Variants in PIEZO2 observed in about 807,000 individuals in gnomAD.
PIEZO2 encodes piezo-type mechanosensitive ion channel component 2.
In PIEZO2, 172 loss-of-function variants were observed where a neutral mutation model predicts 337.3. The ratio of observed to expected loss-of-function variants is 0.51; its 90% CI spans 0.45 to 0.58. The LOEUF is 0.58. Ranked by LOEUF, PIEZO2 falls within the 20% of genes least tolerant of loss-of-function variation. The pLI, the probability that PIEZO2 is intolerant of heterozygous loss-of-function variation, is 0.00. For synonymous variants in PIEZO2, 1,251 were observed against 1,228.5 expected (o/e 1.02, Z -0.38); for missense variants, 3,028 against 3,391.3 (o/e 0.89, Z 2.66).
At chr18:10,879,538 G>A (rs2042358491) in intron 4 of PIEZO2, among the ~76,000 whole-genome samples, 1 of 151,940 alleles carries the variant, frequency 6.6e-6, no homozygotes, top group South Asian at 2.1e-4. Context: ...TAGGACTACA[G>A]GCACCCGCCA....
At chr18:10,799,171 T>A (rs1021742157) in intron 11 of PIEZO2, among the ~76,000 whole-genome samples, 3 of 152,234 alleles carry the variant, frequency 2.0e-5, no homozygotes, top group Non-Finnish European at 4.4e-5. Context: ...TTGGAGTATG[T>A]GTGATGTACC....
Position 11,048,665 on chromosome 18 carries a change from A to T in PIEZO2, c.160+17462T>A, listed in dbSNP as rs866281058. 2.6e-5 allele frequency among the ~76,000 whole-genome samples: 4 copies of T among 152,206 alleles called. No individual in the cohort carries two copies. Among genetic ancestry groups the T allele is most frequent in the Admixed American group, 6.5e-5 (1 of 15,276 alleles). On this transcript the variant is annotated intron_variant, in intron 2 of 55. Transcript: ENST00000674853. This position sits in a 1 kb window ranked among gnomAD's most constrained non-coding sequence, Gnocchi z 4.5. The stretch of plus-strand genomic sequence containing the variant: ...GCTTTCACTCACTGAATCAATTTTT[A>T]AAAATGATAGTTTCAGGAATTATTC...
rs16975659 is a variant in PIEZO2, at chr18:11,028,131, G to A, written c.160+37996C>T. On this transcript the variant is annotated intron_variant, in intron 2 of 55. Coordinates refer to ENST00000674853, the MANE Select transcript of PIEZO2 (RefSeq NM_001378183.1). The surrounding 1 kb of genome is among the most constrained non-coding windows in gnomAD (Gnocchi z 4.8). ...TCTGATTTACATGGTGTGGCACCAC[G>A]AGCTGCAAGTTCTACAAACTGTAAC... Among the ~76,000 whole-genome samples, 1 of 152,130 alleles carries A rather than the reference G, an allele frequency of 6.6e-6. No individual in the cohort carries two copies.
chr18:10,832,732 G>C (rs925376053), intron 7 of PIEZO2, among the ~76,000 whole-genome samples: 59 of 152,264 alleles, frequency 3.9e-4, no homozygotes, highest in African/African-American at 1.2e-3. Flanking sequence ...GGCTCCACCC[G>C]CCCAGGATTA....
At position 10,759,599 on chromosome 18, in the gene PIEZO2, T is replaced by C. The variant is rs2038034549; in HGVS notation, c.3656-16A>G. On this transcript the variant is annotated splice_polypyrimidine_tract_variant and intron_variant, in intron 25 of 55. Transcript: ENST00000674853. The surrounding 1 kb of genome is among the most constrained non-coding windows in gnomAD (Gnocchi z 5.5). ...CACGGGTAATCTGCAGGGAGGGAAG[T>C]GGCGAACAGCACAATCAATACTCTT... is the stretch of plus-strand genomic sequence containing the variant. The C allele has an allele frequency of 6.5e-7, 1 of 1,536,128 alleles. No individual in the cohort carries two copies. Among genetic ancestry groups the C allele is most frequent in the Non-Finnish European group, 8.7e-7 (1 of 1,145,822 alleles).
At chr18:10,732,821 C>T (rs1007640595) in intron 35 of PIEZO2, among the ~76,000 whole-genome samples, 2 of 152,140 alleles carry the variant, frequency 1.3e-5, no homozygotes, top group African/African-American at 4.8e-5. Flanking sequence ...AGTTATAGTA[C>T]ATTAATAAGC....
chr18:11,075,153 A>G (rs2038484960), intron 1 of PIEZO2, among the ~76,000 whole-genome samples: 1 of 152,252 alleles, frequency 6.6e-6, no homozygotes, highest in Non-Finnish European at 1.5e-5. Context: ...ACGAACTGAC[A>G]AAACAGTTCT....
intron 3 of PIEZO2, among the ~76,000 whole-genome samples, chr18:10,971,191 C>T (rs1395611): frequency 0.02 from 3,029 of 152,144 alleles, 111 homozygotes; most frequent in African/African-American, 0.069. Context: ...GGCATCAAAG[C>T]CATCTTCAAA....
At chr18:11,054,181 C>T (rs1207036569) in intron 2 of PIEZO2, among the ~76,000 whole-genome samples, 1 of 152,212 alleles carries the variant, frequency 6.6e-6, no homozygotes, top group Admixed American at 6.5e-5. Context: ...AAATGTTCAT[C>T]TCCTTCCCTA....
chr18:10,959,590 G>A (rs921455149), intron 3 of PIEZO2, among the ~76,000 whole-genome samples: 3 of 152,054 alleles, frequency 2.0e-5, no homozygotes, highest in Non-Finnish European at 1.5e-5. Flanking sequence ...TCAGTATTGC[G>A]TATGTATGCC....
chr18:10,708,911 T>G (rs1398700709), intron 39 of PIEZO2, among the ~76,000 whole-genome samples: 1 of 152,188 alleles, frequency 6.6e-6, no homozygotes, highest in Non-Finnish European at 1.5e-5. Context: ...CTTTTTTTTC[T>G]TTTTAACACG....
At chr18:10,674,244 CAG>C (rs751454042) in intron 54 of PIEZO2, among the ~76,000 whole-genome samples, 5 of 152,294 alleles carry the variant, frequency 3.3e-5, no homozygotes, top group East Asian at 1.9e-4. Context: ...GCTTGCAGCA[CAG>C]AGTCACCTCA....
chr18:11,000,679 T>A (rs1390567359), intron 2 of PIEZO2, among the ~76,000 whole-genome samples: 1 of 152,236 alleles, frequency 6.6e-6, no homozygotes, highest in Non-Finnish European at 1.5e-5. Context: ...ATCTGACATT[T>A]GGGTATGTGT....
intron 39 of PIEZO2, among the ~76,000 whole-genome samples, chr18:10,714,006 A>G (rs936272497): frequency 6.6e-6 from 1 of 152,214 alleles, no homozygotes; most frequent in Non-Finnish European, 1.5e-5. Context: ...GAGACAGCAT[A>G]CTAGGGTGGT....
chr18:10,916,497 C>T (rs1315451694), intron 3 of PIEZO2, among the ~76,000 whole-genome samples: 1 of 152,166 alleles, frequency 6.6e-6, no homozygotes, highest in Non-Finnish European at 1.5e-5. Context: ...GCTGGGGGAC[C>T]CAGTTCCCCC....
Position 10,677,984 on chromosome 18 carries a change from G to T in PIEZO2, c.7953-109C>A. Reference sequence around the variant, plus strand: ...TGATTAATGTCACCACGTTTTCATTGGGTCCACAACGGTCAATCCTGACCC... The same window carrying T: ...TGATTAATGTCACCACGTTTTCATTTGGTCCACAACGGTCAATCCTGACCC... On this transcript the variant is annotated intron_variant, in intron 52 of 55. Coordinates refer to ENST00000674853, the MANE Select transcript of PIEZO2 (RefSeq NM_001378183.1). This position sits in a 1 kb window ranked among gnomAD's most constrained non-coding sequence, Gnocchi z 4.1. 9.3e-7 allele frequency: 1 copy of T among 1,074,056 alleles called. No homozygotes were observed. The highest frequency in any genetic ancestry group is 3.2e-4 in the Middle Eastern group (1 of 3,124). The allele number at this position is 1,074,056 out of a possible 1,614,324, so 66.5% of individuals were successfully genotyped here. A position where few individuals can be genotyped will look rare whatever the true frequency, so the allele number is the denominator to read the frequency against.
At position 10,834,129 on chromosome 18, in the gene PIEZO2, C is replaced by T. The variant is rs940690675; in HGVS notation, c.917+21224G>A. On this transcript the variant is annotated intron_variant, in intron 7 of 55. Coordinates refer to ENST00000674853, the MANE Select transcript of PIEZO2 (RefSeq NM_001378183.1). This position sits in a 1 kb window ranked among gnomAD's most constrained non-coding sequence, Gnocchi z 4.5. ...TAAGTGGGGTGTCCATCACCTACAGCGTTGATCAGTTCCTTGTGTTAGGAA... is the reference window on the plus strand; with the variant it reads ...TAAGTGGGGTGTCCATCACCTACAGTGTTGATCAGTTCCTTGTGTTAGGAA... 1.3e-5 allele frequency among the ~76,000 whole-genome samples: 2 copies of T among 152,218 alleles called. No homozygotes were observed. The highest frequency in any genetic ancestry group is 4.8e-5 in the African/African-American group (2 of 41,450).
rs1678904065 is a variant in PIEZO2 at position 11,034,583 on chromosome 18, C to T, written c.160+31544G>A. On this transcript the variant is annotated intron_variant, in intron 2 of 55. Transcript: ENST00000674853. The stretch of plus-strand genomic sequence containing the variant: ...GCTGGGATTACAGGCGTGAGCCACG[C>T]GCCTGGCTAAATGTAACATTTCTTA... Among the ~76,000 whole-genome samples the T allele has an allele frequency of 2.0e-5, 3 of 152,126 alleles. No homozygotes were observed. In the South Asian group the frequency reaches 6.2e-4, roughly 31 times the overall value.
chr18:10,704,307 T>A lies in PIEZO2; in HGVS notation c.6258+87A>T, dbSNP rs1272920799. ...ACTGTCTGGGATCAGGGCAGGCCCG[T>A]CTCAAGAGAGGGCACAGGGACACAA... On this transcript the variant is annotated intron_variant, in intron 42 of 55. Coordinates refer to ENST00000674853, the MANE Select transcript of PIEZO2 (RefSeq NM_001378183.1). The A allele has an allele frequency of 2.7e-6, 4 of 1,469,212 alleles. No homozygotes were observed. The African/African-American group carries it at 5.6e-5, about 20-fold the overall frequency. The allele number at this position is 1,469,212 out of a possible 1,614,324, so 91.0% of individuals were successfully genotyped here. A position where few individuals can be genotyped will look rare whatever the true frequency, so the allele number is the denominator to read the frequency against.
Sources: allele counts gnomAD v4.1 joint callset (sites outside exome capture counted in the v4.1 genomes callset), GRCh38; gene constraint gnomAD v4.1.1; non-coding constraint Gnocchi (gnomAD v3.1); transcripts MANE v1.5; gene names NCBI Gene and HGNC (gene_info 2026-07-23, HGNC 2026-07-21).